The following TMPRSS11E variants were observed in gnomAD, a reference collection of about 807,000 sequenced individuals.
The protein encoded by TMPRSS11E is transmembrane serine protease 11E.
Under a neutral mutation model 48.1 loss-of-function variants are expected in TMPRSS11E, and 38 were observed. The ratio of observed to expected loss-of-function variants is 0.79; its 90% confidence interval spans 0.61 to 1.04. The LOEUF (loss-of-function observed/expected upper bound fraction) is 1.04. Among genes scored for constraint, TMPRSS11E ranks in the 50% least tolerant of loss-of-function variants. The pLI, the probability that TMPRSS11E is intolerant of heterozygous loss-of-function variation, is 0.00. For missense variants in TMPRSS11E, 530 were observed against 510.8 expected, an observed-to-expected ratio of 1.04 and a Z score of -0.36; for synonymous variants, 158 against 171.9, an observed-to-expected ratio of 0.92 and a Z score of 0.63.
intron 9 of TMPRSS11E, among the ~76,000 whole-genome samples, chr4:68,484,472 A>G (rs1729496874): frequency 2.0e-5 from 3 of 151,968 alleles, no homozygotes; most frequent in Non-Finnish European, 1.5e-5. Flanking sequence ...ACACATGGCT[A>G]ATTTTTTAGA....
intron 1 of TMPRSS11E, among the ~76,000 whole-genome samples, chr4:68,449,213 T>C (rs1161743917): frequency 6.6e-6 from 1 of 151,672 alleles, no homozygotes; most frequent in African/African-American, 2.4e-5. Flanking sequence ...TCCAAACTCT[T>C]ATTTTGGACT....
At chr4:68,489,411 C>G (rs1271712213) in intron 9 of TMPRSS11E, among the ~76,000 whole-genome samples, 1 of 152,100 alleles carries the variant, frequency 6.6e-6, no homozygotes, top group Non-Finnish European at 1.5e-5. Flanking sequence ...GGCGGGGTGG[C>G]AGTGGGTCAG....
chr4:68,471,221 TTCTTTTCTTTTC>T (rs1051205811), intron 4 of TMPRSS11E, among the ~76,000 whole-genome samples: 6 of 151,646 alleles, frequency 4.0e-5, no homozygotes, highest in East Asian at 3.9e-4. Flanking sequence ...TTACCCTTCT[TTCTTTTCTTTTC>T]TCTTTTCTTT....
intron 9 of TMPRSS11E, among the ~76,000 whole-genome samples, chr4:68,480,550 A>G (rs1339803616): frequency 2.0e-5 from 3 of 152,014 alleles, no homozygotes; most frequent in Non-Finnish European, 4.4e-5. Context: ...ACATGATGGT[A>G]ATTGCTCATT....
intron 1 of TMPRSS11E, among the ~76,000 whole-genome samples, chr4:68,454,848 T>C (rs143757042): frequency 6.6e-6 from 1 of 152,040 alleles, no homozygotes; most frequent in African/African-American, 2.4e-5. Flanking sequence ...TAGTTATACA[T>C]ATTTTGGGGG....
chr4:68,480,028 A>G (rs567748088), intron 9 of TMPRSS11E, among the ~76,000 whole-genome samples: 2 of 152,090 alleles, frequency 1.3e-5, no homozygotes, highest in Admixed American at 6.5e-5. Flanking sequence ...TTTTTTTCCA[A>G]TAGATGAGGT....
At chr4:68,448,014 T>C (rs1350141669) in intron 1 of TMPRSS11E, among the ~76,000 whole-genome samples, 2 of 152,016 alleles carry the variant, frequency 1.3e-5, no homozygotes, top group African/African-American at 4.8e-5. Flanking sequence ...GAAAATAATA[T>C]GACTAAATTA....
intron 3 of TMPRSS11E, among the ~76,000 whole-genome samples, chr4:68,467,226 A>G (rs1728952281): frequency 6.6e-6 from 1 of 152,096 alleles, no homozygotes; most frequent in East Asian, 1.9e-4. Context: ...CAGATATGCA[A>G]CTCTACCCAG....
chr4:68,495,132 C>T (rs1361935872), intron 9 of TMPRSS11E, among the ~76,000 whole-genome samples: 1 of 152,178 alleles, frequency 6.6e-6, no homozygotes, highest in Non-Finnish European at 1.5e-5. Flanking sequence ...CTGCCATTCA[C>T]TAATCAAATG....
chr4:68,464,262 C>A (rs964777276), intron 2 of TMPRSS11E, among the ~76,000 whole-genome samples: 1 of 152,146 alleles, frequency 6.6e-6, no homozygotes, highest in Non-Finnish European at 1.5e-5. Context: ...CCAAAAAAAT[C>A]TGTCACAGAA....
intron 1 of TMPRSS11E, among the ~76,000 whole-genome samples, chr4:68,461,537 T>C (rs1465513440): frequency 1.3e-5 from 2 of 152,214 alleles, no homozygotes; most frequent in Non-Finnish European, 2.9e-5. Context: ...TTATATGTAG[T>C]ACTTCATTTA....
At chr4:68,492,322 C>A (rs1255809301) in intron 9 of TMPRSS11E, among the ~76,000 whole-genome samples, 3 of 152,086 alleles carry the variant, frequency 2.0e-5, no homozygotes, top group African/African-American at 7.2e-5. Context: ...CTTTTATGAT[C>A]ATTCACAAGC....
At chr4:68,462,945 C>A (rs1728833354) in intron 2 of TMPRSS11E, among the ~76,000 whole-genome samples, 1 of 152,156 alleles carries the variant, frequency 6.6e-6, no homozygotes. Flanking sequence ...TCCTCCTACT[C>A]TGCCTAGGGT....
chr4:68,450,153 G>A (rs1350452231), intron 1 of TMPRSS11E, among the ~76,000 whole-genome samples: 3 of 151,966 alleles, frequency 2.0e-5, no homozygotes, highest in Non-Finnish European at 4.4e-5. Context: ...TGTGTTATAA[G>A]TATTTAGCAT....
intron 9 of TMPRSS11E, among the ~76,000 whole-genome samples, chr4:68,484,010 A>G (rs968257649): frequency 7.2e-5 from 11 of 151,886 alleles, no homozygotes; most frequent in African/African-American, 2.4e-5. Flanking sequence ...CTTTTTTTGT[A>G]CTAGCACCAT....
At chr4:68,482,452 T>C (rs188168695) in intron 9 of TMPRSS11E, among the ~76,000 whole-genome samples, 1 of 152,130 alleles carries the variant, frequency 6.6e-6, no homozygotes, top group East Asian at 1.9e-4. Flanking sequence ...ATTCCGACTT[T>C]AACTCAAAAA....
chr4:68,485,272 G>A (rs1469097875), intron 9 of TMPRSS11E, among the ~76,000 whole-genome samples: 2 of 151,982 alleles, frequency 1.3e-5, no homozygotes, highest in Non-Finnish European at 2.9e-5. Flanking sequence ...TTAGCCTCCT[G>A]AGTAGCTGGG....
intron 1 of TMPRSS11E, among the ~76,000 whole-genome samples, chr4:68,461,555 C>A (rs890004024): frequency 6.6e-6 from 1 of 152,156 alleles, no homozygotes; most frequent in African/African-American, 2.4e-5. Flanking sequence ...TTAATCCTCA[C>A]AATAATCATA....
At chr4:68,493,505 T>C (rs34638591) in intron 9 of TMPRSS11E, among the ~76,000 whole-genome samples, 76,630 of 151,914 alleles carry the variant, frequency 0.5, 21,651 homozygotes, top group Non-Finnish European at 0.65. Context: ...TCATGCTTGT[T>C]ACCCAGGCTG....
Sources: allele counts gnomAD v4.1 joint callset (sites outside exome capture counted in the v4.1 genomes callset), GRCh38; gene constraint gnomAD v4.1.1; transcripts MANE v1.5; gene names NCBI Gene and HGNC (gene_info 2026-07-23, HGNC 2026-07-21).